Variants in COL6A6 observed in about 807,000 individuals in gnomAD.
The protein encoded by COL6A6 is collagen type VI alpha 6 chain.
COL6A6 carries 183 observed loss-of-function variants against 208.6 expected under a neutral mutation model. That is an observed-to-expected ratio of 0.88 (90% CI 0.78 to 0.99). The LOEUF is 0.99. Ranked by LOEUF, COL6A6 falls within the 50% of genes least tolerant of loss-of-function variation. The pLI is 0.00. For synonymous variants in COL6A6, 973 were observed against 1,011.8 expected (o/e 0.96, Z 0.73); for missense variants, 2,816 against 2,815.2 (o/e 1.00, Z -0.01).
At chr3:130,660,983 T>A (rs1192528713) in intron 34 of COL6A6, among the ~76,000 whole-genome samples, 1 of 152,242 alleles carries the variant, frequency 6.6e-6, no homozygotes, top group Non-Finnish European at 1.5e-5. Flanking sequence ...AAATCCCGTT[T>A]TTATTACTAT....
intron 1 of COL6A6, among the ~76,000 whole-genome samples, chr3:130,517,932 C>A (rs1334728965): frequency 6.6e-6 from 1 of 152,200 alleles, no homozygotes; most frequent in Non-Finnish European, 1.5e-5. Context: ...GGAAGGAAAG[C>A]AGAGAAAATG....
intron 33 of COL6A6, among the ~76,000 whole-genome samples, chr3:130,656,745 G>C (rs1435044886): frequency 6.6e-6 from 1 of 152,202 alleles, no homozygotes; most frequent in Non-Finnish European, 1.5e-5. Flanking sequence ...CCAGTACCAA[G>C]CTGCCCTGAG....
At position 130,567,036 on chromosome 3, in the gene COL6A6, C is replaced by T. The variant is rs112472535; in HGVS notation, c.1617C>T (p.Cys539=). The change falls in exon 5 of 37, where the codon TGC becomes TGT. Residue 539 remains cysteine, a synonymous_variant. Transcript: ENST00000358511. ...AKKQRGNKVP[C]HLVVLTNGMS... ...AGCAGCGAGGAAACAAAGTTCCATG[C>T]CACCTTGTTGTCCTGACAAATGGCA... 19,498 of 1,614,022 alleles carry T rather than the reference C, an allele frequency of 0.012. 150 individuals carry two copies. The highest frequency in any genetic ancestry group is 0.02 in the Middle Eastern group (119 of 6,062).
At chr3:130,666,857 A>G (rs923715079) in intron 36 of COL6A6, among the ~76,000 whole-genome samples, 2 of 152,228 alleles carry the variant, frequency 1.3e-5, no homozygotes, top group Non-Finnish European at 2.9e-5. Flanking sequence ...GAAAAAAGAT[A>G]TAACAGGCAA....
chr3:130,544,218 A>G (rs2062440858), intron 1 of COL6A6, among the ~76,000 whole-genome samples: 1 of 152,164 alleles, frequency 6.6e-6, no homozygotes, highest in Non-Finnish European at 1.5e-5. Context: ...CAACTTTTTA[A>G]AAAATAGATT....
rs2063149570 is a variant in COL6A6, at chr3:130,571,001, A to G, written c.2585A>G (p.Tyr862Cys). 3.7e-6 allele frequency: 6 copies of G among 1,613,856 alleles called. No individual in the cohort carries two copies. In the Admixed American group the frequency reaches 5.0e-5, roughly 13 times the overall value. The change falls in exon 7 of 37, where the codon TAT becomes TGT. Residue 862 changes from tyrosine to cysteine, a missense_variant. By Grantham distance (194) the Tyr-to-Cys change is radical. Transcript: ENST00000358511. Reference sequence around the variant, plus strand: ...GCTGATGACCCAGAGGTGCTGTTTTATCTGGATGACTTTGGCACAAAACTG... The same window carrying G: ...GCTGATGACCCAGAGGTGCTGTTTTGTCTGGATGACTTTGGCACAAAACTG... ...KYADDPEVLF[Y>C]LDDFGTKLEV...
intron 36 of COL6A6, among the ~76,000 whole-genome samples, chr3:130,666,006 C>T (rs981959764): frequency 7.9e-5 from 12 of 152,024 alleles, no homozygotes; most frequent in Admixed American, 4.6e-4. Flanking sequence ...CTTGGTGGAC[C>T]TCAGATAGGA....
intron 1 of COL6A6, among the ~76,000 whole-genome samples, chr3:130,548,226 G>A (rs2062564249): frequency 6.6e-6 from 1 of 152,156 alleles, no homozygotes; most frequent in Non-Finnish European, 1.5e-5. Flanking sequence ...TTTCCTGGTA[G>A]CTGGATGCAA....
Position 130,600,747 on chromosome 3 carries a change from A to G in COL6A6, c.4653+937A>G, listed in dbSNP as rs527441949. Reference sequence around the variant, plus strand: ...GCAAGGGGAGGGAGAACATTAGGACAAATAGCTAATGCATGTGGGGCATAA... The same window carrying G: ...GCAAGGGGAGGGAGAACATTAGGACGAATAGCTAATGCATGTGGGGCATAA... On this transcript the variant is annotated intron_variant, in intron 20 of 36. Coordinates refer to ENST00000358511, the MANE Select transcript of COL6A6 (RefSeq NM_001102608.3). Among the ~76,000 whole-genome samples the G allele has an allele frequency of 2.0e-5, 3 of 152,356 alleles. No homozygotes were observed. In the South Asian group the frequency reaches 6.2e-4, roughly 32 times the overall value.
At chr3:130,585,385 A>G (rs1423964089) in intron 10 of COL6A6, among the ~76,000 whole-genome samples, 1 of 152,212 alleles carries the variant, frequency 6.6e-6, no homozygotes, top group African/African-American at 2.4e-5. Context: ...GTAAAATAGG[A>G]CTATAATTAT....
intron 23 of COL6A6, among the ~76,000 whole-genome samples, chr3:130,616,373 C>A (rs545638694): frequency 6.6e-6 from 1 of 152,116 alleles, no homozygotes; most frequent in African/African-American, 2.4e-5. Context: ...AACTGGCATT[C>A]TGTATAAATC....
chr3:130,536,106 G>A (rs2062218057), intron 1 of COL6A6, among the ~76,000 whole-genome samples: 1 of 152,206 alleles, frequency 6.6e-6, no homozygotes, highest in African/African-American at 2.4e-5. Flanking sequence ...GGATGCTCTT[G>A]TAAACTCTGC....
chr3:130,563,445 G>A lies in COL6A6; in HGVS notation c.442G>A (p.Glu148Lys), dbSNP rs1486123382. The change falls in exon 3 of 37, where the codon GAA becomes AAA. Residue 148 changes from glutamate (E) to lysine (K), a missense_variant. Physicochemically the swap from Glu to Lys is moderately conservative, Grantham distance 56. Coordinates refer to ENST00000358511, the MANE Select transcript of COL6A6 (RefSeq NM_001102608.3). ...TTCATCTGAGTCTGAGGATAATGTGGAAGAGGCATCAAAGGCCCTGCGGAA... is the reference window on the plus strand; with the variant it reads ...TTCATCTGAGTCTGAGGATAATGTGAAAGAGGCATCAAAGGCCCTGCGGAA... ...LASSESEDNV[E>K]EASKALRKDG... is the part of the protein sequence containing the mutation. 2 of 1,613,996 alleles carry A rather than the reference G, an allele frequency of 1.2e-6. No homozygotes were observed. Among genetic ancestry groups the A allele is most frequent in the Non-Finnish European group, 1.7e-6 (2 of 1,179,890 alleles).
At chr3:130,614,715 A>G (rs981607459) in intron 23 of COL6A6, among the ~76,000 whole-genome samples, 2 of 151,962 alleles carry the variant, frequency 1.3e-5, no homozygotes, top group Non-Finnish European at 2.9e-5. Flanking sequence ...CAGGGATTCA[A>G]TTTCTTTGTG....
intron 12 of COL6A6, 26 bp from the exon 13 acceptor site, chr3:130,591,015 T>A (rs1235599713): frequency 3.9e-6 from 6 of 1,550,480 alleles, no homozygotes; most frequent in Non-Finnish European, 5.3e-6. Flanking sequence ...TAGATGCAAA[T>A]GTTTTCTTCC....
At chr3:130,611,138 G>A (rs2064346299) in intron 23 of COL6A6, among the ~76,000 whole-genome samples, 2 of 152,074 alleles carry the variant, frequency 1.3e-5, no homozygotes, top group Non-Finnish European at 2.9e-5. Context: ...CTCTGGCAAT[G>A]AGGCCAGGGT....
intron 34 of COL6A6, among the ~76,000 whole-genome samples, chr3:130,659,122 C>T (rs988056173): frequency 1.2e-4 from 18 of 152,158 alleles, no homozygotes; most frequent in African/African-American, 4.3e-4. Context: ...ATGTTCACAG[C>T]CACAAAGAAA....
chr3:130,572,615 G>A (rs891018726), intron 7 of COL6A6, among the ~76,000 whole-genome samples: 6 of 152,244 alleles, frequency 3.9e-5, no homozygotes, highest in African/African-American at 1.2e-4. Flanking sequence ...TGTAGCCATT[G>A]TCTAAAATTG....
intron 6 of COL6A6, among the ~76,000 whole-genome samples, chr3:130,569,629 G>A (rs1468877103): frequency 2.6e-5 from 4 of 152,174 alleles, no homozygotes; most frequent in Admixed American, 2.0e-4. Flanking sequence ...GAGTACACCT[G>A]GTTTCTATTT....
Sources: allele counts gnomAD v4.1 joint callset (sites outside exome capture counted in the v4.1 genomes callset), GRCh38; gene constraint gnomAD v4.1.1; transcripts MANE v1.5; gene names NCBI Gene and HGNC (gene_info 2026-07-23, HGNC 2026-07-21).